The following MSTO1 variants were observed in gnomAD, a reference collection of about 807,000 sequenced individuals.
MSTO1 encodes the protein misato mitochondrial distribution and morphology regulator 1.
MSTO1 carries 24 observed loss-of-function variants against 55.7 expected under a neutral mutation model. The ratio of observed to expected loss-of-function variants is 0.43; its 90% CI spans 0.31 to 0.61. The LOEUF is 0.61. MSTO1 is among the 20% of genes least tolerant of loss of function. The pLI is 0.09. For missense variants in MSTO1, 363 were observed against 625.7 expected (o/e 0.58, Z 4.48); for synonymous variants, 162 against 252.8 (o/e 0.64, Z 3.41).
Position 155,614,771 on chromosome 1 carries a change from G to T in MSTO1, c.*498G>T. The stretch of plus-strand genomic sequence containing the variant: ...AGAAGGTCCCCATGGTCAGACAGCT[G>T]GTCTGCATTGCTGGTACTGGTTGCA... On this transcript the variant is annotated 3_prime_UTR_variant, in exon 14 of 14. Coordinates refer to ENST00000245564, the MANE Select transcript of MSTO1 (RefSeq NM_018116.4). The T allele has an allele frequency of 6.5e-7, 1 of 1,546,476 alleles. No homozygotes were observed. The highest frequency in any genetic ancestry group is 8.9e-7 in the Non-Finnish European group (1 of 1,123,670).
intron 11 of MSTO1, 81 bp from the exon 12 acceptor site, chr1:155,613,381 C>A (rs765199009): frequency 1.3e-5 from 20 of 1,596,506 alleles, no homozygotes; most frequent in Non-Finnish European, 1.5e-5. Flanking sequence ...CTTGATCCAG[C>A]TGATGGCCTG....
At chr1:155,569,167 G>T in the MSTO1 span, among the ~76,000 whole-genome samples, 1 of 151,528 alleles carries the variant, frequency 6.6e-6, no homozygotes. Flanking sequence ...ACAGAGTCTT[G>T]CACTGTCACC....
chr1:155,590,976 C>T, the MSTO1 span: 1 of 1,613,958 alleles, frequency 6.2e-7, no homozygotes, highest in Non-Finnish European at 8.5e-7. Flanking sequence ...CAAGGTAGAC[C>T]AGCAAGCCGA....
chr1:155,583,034 TAA>T, the MSTO1 span, among the ~76,000 whole-genome samples: 4 of 139,742 alleles, frequency 2.9e-5, no homozygotes, highest in Admixed American at 7.2e-5. Flanking sequence ...CCTGGCAAAT[TAA>T]AAAAAAAAAA....
chr1:155,587,170 C>T, the MSTO1 span, among the ~76,000 whole-genome samples: 2 of 151,948 alleles, frequency 1.3e-5, no homozygotes, highest in Non-Finnish European at 2.9e-5. Context: ...GGCCGGGCGC[C>T]GTGGCTCACG....
the MSTO1 span, chr1:155,590,725 A>C: frequency 6.3e-7 from 1 of 1,582,522 alleles, no homozygotes; most frequent in Non-Finnish European, 8.6e-7. Context: ...GCAGCACAGC[A>C]GCCTGCCACC....
the MSTO1 span, chr1:155,591,003 G>C: frequency 1.9e-6 from 3 of 1,613,950 alleles, no homozygotes; most frequent in Non-Finnish European, 2.5e-6. Context: ...CCACAAGGAG[G>C]GTGATGACAC....
At chr1:155,570,257 T>C in the MSTO1 span, among the ~76,000 whole-genome samples, 1 of 152,310 alleles carries the variant, frequency 6.6e-6, no homozygotes, top group East Asian at 1.9e-4. Context: ...GTATCTAGAA[T>C]ATCTGCTACC....
chr1:155,591,887 C>T, the MSTO1 span, among the ~76,000 whole-genome samples: 146,594 of 152,250 alleles, frequency 0.96, 70,857 homozygotes, highest in East Asian at 1. Flanking sequence ...GAGGATCATG[C>T]GGGCCCAGGA....
chr1:155,563,559 G>A, the MSTO1 span: 3 of 456,276 alleles, frequency 6.6e-6, no homozygotes, highest in African/African-American at 2.0e-5. Context: ...GTCCATATGC[G>A]ATGATGTTTG....
chr1:155,576,012 G>A, the MSTO1 span, among the ~76,000 whole-genome samples: 2 of 148,596 alleles, frequency 1.3e-5, no homozygotes, highest in Non-Finnish European at 3.0e-5. Flanking sequence ...AGTAGAGAAG[G>A]GGTTTCTCCA....
chr1:155,571,519 A>G, the MSTO1 span, among the ~76,000 whole-genome samples: 1 of 152,234 alleles, frequency 6.6e-6, no homozygotes, highest in Admixed American at 6.5e-5. Context: ...CGATGATACC[A>G]CTGCACTCAA....
the MSTO1 span, among the ~76,000 whole-genome samples, chr1:155,604,780 T>A: frequency 5.3e-5 from 8 of 151,072 alleles, no homozygotes; most frequent in Non-Finnish European, 1.2e-4. Flanking sequence ...GGGGCTGAGG[T>A]GGGAGGATGG....
At chr1:155,590,464 A>C in the MSTO1 span, 2 of 479,008 alleles carry the variant, frequency 4.2e-6, no homozygotes, top group East Asian at 6.3e-5. Flanking sequence ...TCAGTTTTTA[A>C]ATGAATTTTA....
the MSTO1 span, among the ~76,000 whole-genome samples, chr1:155,566,573 G>A: frequency 6.6e-6 from 1 of 152,004 alleles, no homozygotes; most frequent in African/African-American, 2.4e-5. Flanking sequence ...GGGCAAGAGA[G>A]TGAAACTCTG....
upstream of MSTO1, chr1:155,610,030 G>C: frequency 1.7e-6 from 1 of 575,904 alleles, no homozygotes. Flanking sequence ...GTGGCCCGTG[G>C]AGCCCCGCCC....
chr1:155,565,210 G>A, the MSTO1 span, among the ~76,000 whole-genome samples: 2 of 151,056 alleles, frequency 1.3e-5, no homozygotes, highest in Non-Finnish European at 2.9e-5. Flanking sequence ...CAGGAGAGTC[G>A]CTTGAACCCA....
intron 11 of MSTO1, 52 bp from the exon 12 acceptor site, chr1:155,613,408 GTT>G: frequency 6.2e-7 from 1 of 1,609,626 alleles, no homozygotes; most frequent in Non-Finnish European, 8.5e-7. Flanking sequence ...TAAGAATTCT[GTT>G]TCTTATTCAT....
chr1:155,600,556 C>CTTTTTTTTTTTTT, the MSTO1 span, among the ~76,000 whole-genome samples: 1,122 of 149,744 alleles, frequency 7.5e-3, 23 homozygotes, highest in African/African-American at 0.027. Flanking sequence ...TTTTTTCTTT[C>CTTTTTTTTTTTTT]TTTTTTTTTG....
Sources: allele counts gnomAD v4.1 joint callset (sites outside exome capture counted in the v4.1 genomes callset), GRCh38; gene constraint gnomAD v4.1.1; transcripts MANE v1.5; gene names NCBI Gene and HGNC (gene_info 2026-07-23, HGNC 2026-07-21).